Variants in CLNK observed in about 807,000 individuals in gnomAD.
The protein encoded by CLNK is cytokine-dependent hematopoietic cell linker.
CLNK carries 74 observed loss-of-function variants against 68.6 expected under a neutral mutation model. The ratio of observed to expected loss-of-function variants is 1.08; its 90% CI spans 0.89 to 1.31. The LOEUF (loss-of-function observed/expected upper bound fraction) is 1.31, where lower values mean the gene tolerates loss of function less well. CLNK is among the 50% of genes most tolerant of loss of function. The probability of loss-of-function intolerance (pLI) is 0.00; values close to 1 mark genes in which losing one functional copy is unlikely to be tolerated. For missense variants in CLNK, 553 were observed against 515.3 expected (o/e 1.07, Z -0.71); for synonymous variants, 198 against 172.2 (o/e 1.15, Z -1.17).
At chr4:10,504,194 C>T (rs1332664054) in intron 17 of CLNK, among the ~76,000 whole-genome samples, 2 of 141,496 alleles carry the variant, frequency 1.4e-5, no homozygotes, top group Non-Finnish European at 3.0e-5. Flanking sequence ...AATCTCGGCT[C>T]ACTGCAAGCT....
chr4:10,496,874 A>C (rs532616209), intron 18 of CLNK, among the ~76,000 whole-genome samples: 13 of 152,362 alleles, frequency 8.5e-5, no homozygotes, highest in Admixed American at 7.8e-4. Flanking sequence ...TTTAAACCGC[A>C]GAAAATTCTT....
the CLNK span, among the ~76,000 whole-genome samples, chr4:10,699,489 TCTC>T: frequency 1.4e-5 from 1 of 69,506 alleles, no homozygotes; most frequent in Non-Finnish European, 2.6e-5. Context: ...TCTCTCTCTC[TCTC>T]TCTATATATA....
intron 2 of CLNK, among the ~76,000 whole-genome samples, chr4:10,610,033 G>GTTT (rs71181047): frequency 1.4e-5 from 1 of 73,450 alleles, no homozygotes. Flanking sequence ...ATGAATGCTC[G>GTTT]TTTTTTTTTT....
chr4:10,545,870 G>A (rs893648050), intron 8 of CLNK, among the ~76,000 whole-genome samples: 2 of 152,186 alleles, frequency 1.3e-5, no homozygotes, highest in African/African-American at 4.8e-5. Context: ...ACCTTGCAGA[G>A]CTTCAGTACA....
rs138168872 is a variant in CLNK, at chr4:10,503,177, A to T, written c.985-1766T>A. 9.8e-4 allele frequency among the ~76,000 whole-genome samples: 149 copies of T among 152,304 alleles called. 1 individual carries two copies. Among genetic ancestry groups the T allele is most frequent in the African/African-American group, 3.5e-3 (146 of 41,576 alleles). On this transcript the variant is annotated intron_variant, in intron 17 of 18. Transcript: ENST00000226951. ...TGGTTATAAGTGATCTATGAAGAAT[A>T]GAGGCCGGGTGTGGTGCCTGACACC...
chr4:10,563,974 T>G (rs923382779), intron 7 of CLNK, among the ~76,000 whole-genome samples: 1 of 152,192 alleles, frequency 6.6e-6, no homozygotes, highest in Non-Finnish European at 1.5e-5. Context: ...GACCAATAAC[T>G]GCAATCCCAG....
intron 3 of CLNK, among the ~76,000 whole-genome samples, chr4:10,596,199 A>G (rs1004251577): frequency 2.0e-5 from 3 of 151,802 alleles, no homozygotes; most frequent in Non-Finnish European, 4.4e-5. Flanking sequence ...CTACTTTTGT[A>G]TTTTTAGTAG....
chr4:10,527,527 C>A (rs78358980), intron 13 of CLNK, among the ~76,000 whole-genome samples: 2 of 152,172 alleles, frequency 1.3e-5, no homozygotes. Context: ...TGGCTCTGGA[C>A]ATAATTCATC....
At chr4:10,538,597 C>T (rs1718892375) in intron 11 of CLNK, among the ~76,000 whole-genome samples, 1 of 152,182 alleles carries the variant, frequency 6.6e-6, no homozygotes, top group Non-Finnish European at 1.5e-5. Context: ...TGTTGCCTCC[C>T]AGTTTCTCAC....
the CLNK span, among the ~76,000 whole-genome samples, chr4:10,722,250 A>ACAACTCACCAATTTGGTGAAGAAGGG: frequency 6.6e-6 from 1 of 151,932 alleles, no homozygotes; most frequent in Admixed American, 6.5e-5. Flanking sequence ...GTGAAGAAGG[A>ACAACTCACCAATTTGGTGAAGAAGGG]TGTACCAAGT....
chr4:10,549,746 T>C (rs1385672705), intron 8 of CLNK, among the ~76,000 whole-genome samples: 1 of 152,220 alleles, frequency 6.6e-6, no homozygotes, highest in African/African-American at 2.4e-5. Context: ...TCTAAAATGC[T>C]AGGAAAAGTT....
chr4:10,643,578 C>A (rs1379524726), intron 2 of CLNK, among the ~76,000 whole-genome samples: 1 of 152,232 alleles, frequency 6.6e-6, no homozygotes, highest in Non-Finnish European at 1.5e-5. Context: ...TGCAGCCACG[C>A]TCAGGCGCAT....
intron 2 of CLNK, among the ~76,000 whole-genome samples, chr4:10,651,283 G>T (rs1323781690): frequency 6.6e-6 from 1 of 152,156 alleles, no homozygotes; most frequent in Non-Finnish European, 1.5e-5. Context: ...CAATACCAAA[G>T]ACTTGGAACC....
chr4:10,538,937 A>G (rs1430291773), intron 11 of CLNK, among the ~76,000 whole-genome samples: 1 of 152,220 alleles, frequency 6.6e-6, no homozygotes, highest in African/African-American at 2.4e-5. Flanking sequence ...AGAAAGTGCA[A>G]TAATTGTTGG....
At chr4:10,610,394 C>A (rs1721966322) in intron 2 of CLNK, among the ~76,000 whole-genome samples, 1 of 150,424 alleles carries the variant, frequency 6.6e-6, no homozygotes, top group Non-Finnish European at 1.5e-5. Flanking sequence ...AAGAGAAAGA[C>A]AAAAAAAGCT....
chr4:10,643,973 A>G (rs1723415606), intron 2 of CLNK, among the ~76,000 whole-genome samples: 1 of 152,248 alleles, frequency 6.6e-6, no homozygotes, highest in Non-Finnish European at 1.5e-5. Context: ...AGAAAGGGCT[A>G]GAGAAAATCA....
intron 2 of CLNK, among the ~76,000 whole-genome samples, chr4:10,655,598 G>A (rs1377574145): frequency 2.0e-5 from 3 of 149,878 alleles, no homozygotes; most frequent in Non-Finnish European, 4.4e-5. Context: ...GTTTACGACA[G>A]AGCTGGCATT....
rs559752390 is a variant in CLNK at position 10,601,678 on chromosome 4, C to G, written c.12-3629G>C. Among the ~76,000 whole-genome samples, 6 of 152,328 alleles carry G rather than the reference C, an allele frequency of 3.9e-5. No individual in the cohort carries two copies. In the East Asian group the frequency reaches 1.2e-3, roughly 29 times the overall value. On this transcript the variant is annotated intron_variant, in intron 2 of 18. Transcript: ENST00000226951. Reference sequence around the variant, plus strand: ...CAAGGTTCCCAAGTTGGCTACCCCACCTGGGGAGGACAGTGCCATTTACTA... The same window carrying G: ...CAAGGTTCCCAAGTTGGCTACCCCAGCTGGGGAGGACAGTGCCATTTACTA...
chr4:10,678,814 A>G (rs1036403751), intron 1 of CLNK, among the ~76,000 whole-genome samples: 6 of 152,194 alleles, frequency 3.9e-5, no homozygotes, highest in South Asian at 2.1e-4. Context: ...AAGGGATGTG[A>G]AGGACCTCTT....
Sources: allele counts gnomAD v4.1 joint callset (sites outside exome capture counted in the v4.1 genomes callset), GRCh38; gene constraint gnomAD v4.1.1; transcripts MANE v1.5; gene names NCBI Gene and HGNC (gene_info 2026-07-23, HGNC 2026-07-21).